ZMAT4: variants seen among roughly 807,000 people sequenced by gnomAD.
ZMAT4 encodes zinc finger matrin-type 4.
A neutral mutation model predicts 28.7 loss-of-function variants in ZMAT4; 17 were observed. That is an observed-to-expected ratio of 0.59 (90% confidence interval 0.41 to 0.89). The LOEUF (loss-of-function observed/expected upper bound fraction) is 0.89. Ranked by LOEUF, ZMAT4 falls within the 40% of genes least tolerant of loss-of-function variation. ZMAT4 has a pLI of 0.00. For synonymous variants in ZMAT4, 117 were observed against 109.2 expected (o/e 1.07, Z -0.44); for missense variants, 240 against 283.8 (o/e 0.85, Z 1.11).
At chr8:40,677,069 T>C (rs564245203) in intron 4 of ZMAT4, among the ~76,000 whole-genome samples, 1 of 152,290 alleles carries the variant, frequency 6.6e-6, no homozygotes, top group African/African-American at 2.4e-5. Flanking sequence ...TATGAATAAA[T>C]GTTGACTCTT....
intron 5 of ZMAT4, among the ~76,000 whole-genome samples, chr8:40,665,738 G>C (rs1042823175): frequency 3.3e-5 from 5 of 152,126 alleles, no homozygotes; most frequent in Non-Finnish European, 7.4e-5. Context: ...AGGATTCTGG[G>C]TGGTCAATGA....
At chr8:40,893,549 G>A (rs1398398562) in intron 1 of ZMAT4, among the ~76,000 whole-genome samples, 1 of 152,196 alleles carries the variant, frequency 6.6e-6, no homozygotes, top group Non-Finnish European at 1.5e-5. Context: ...ACCAGCCAGA[G>A]CTAAAAAGCG....
chr8:40,703,230 T>C (rs1810219686), intron 3 of ZMAT4, among the ~76,000 whole-genome samples: 1 of 152,160 alleles, frequency 6.6e-6, no homozygotes, highest in Non-Finnish European at 1.5e-5. Context: ...ATGTATTTCA[T>C]TCAAGAGAAA....
At chr8:40,889,378 C>T (rs910545746) in intron 1 of ZMAT4, among the ~76,000 whole-genome samples, 4 of 152,194 alleles carry the variant, frequency 2.6e-5, no homozygotes, top group African/African-American at 4.8e-5. Context: ...AGCATCGCAC[C>T]CAGCTTTGCT....
chr8:40,864,934 T>A (rs1817624147), intron 1 of ZMAT4, among the ~76,000 whole-genome samples: 1 of 152,204 alleles, frequency 6.6e-6, no homozygotes, highest in Non-Finnish European at 1.5e-5. Flanking sequence ...AAGCTTTTAT[T>A]GAAATGCTTA....
At chr8:40,892,681 T>C (rs1474297147) in intron 1 of ZMAT4, among the ~76,000 whole-genome samples, 2 of 152,220 alleles carry the variant, frequency 1.3e-5, no homozygotes, top group Non-Finnish European at 2.9e-5. Context: ...CAGCTCGCTG[T>C]GTGACAACGC....
intron 2 of ZMAT4, among the ~76,000 whole-genome samples, chr8:40,785,248 A>AGG (rs1814019003): frequency 1.3e-5 from 2 of 152,326 alleles, no homozygotes; most frequent in South Asian, 2.1e-4. Flanking sequence ...TTCATCCTAT[A>AGG]CTGACCTCTC....
intron 5 of ZMAT4, among the ~76,000 whole-genome samples, chr8:40,633,935 CA>C (rs1806693767): frequency 6.6e-6 from 1 of 152,166 alleles, no homozygotes; most frequent in Non-Finnish European, 1.5e-5. Context: ...CTCCAAATGC[CA>C]CCAGGAAATA....
At chr8:40,567,036 T>G (rs1427902590) in intron 6 of ZMAT4, among the ~76,000 whole-genome samples, 2 of 152,124 alleles carry the variant, frequency 1.3e-5, no homozygotes, top group South Asian at 2.1e-4. Flanking sequence ...AAGAGTAAAG[T>G]GCACATGTTA....
intron 1 of ZMAT4, among the ~76,000 whole-genome samples, chr8:40,842,867 C>T (rs528547491): frequency 4.6e-5 from 7 of 152,302 alleles, no homozygotes; most frequent in Admixed American, 2.6e-4. Context: ...TCTCCGCCCC[C>T]GAGGTTCAAG....
chr8:40,746,375 CT>C (rs71224851), intron 3 of ZMAT4, among the ~76,000 whole-genome samples: 12,555 of 126,648 alleles, frequency 0.099, 731 homozygotes, highest in Middle Eastern at 0.17. Flanking sequence ...CTTTCTTTCT[CT>C]TTTTTTTTTG....
At chr8:40,808,678 A>C (rs947744780) in intron 2 of ZMAT4, 2 of 347,248 alleles carry the variant, frequency 5.8e-6, no homozygotes, top group African/African-American at 4.4e-5. Context: ...GGTAACAAGA[A>C]AGAGAGGGAA....
chr8:40,683,744 T>C lies in ZMAT4; in HGVS notation c.350-8813A>G, dbSNP rs184837535. Reference sequence around the variant, plus strand: ...GTTATTTAAGAAGGAAACAAAAATGTTATGAATTTTTTTTCAATTTATGGG... The same window carrying C: ...GTTATTTAAGAAGGAAACAAAAATGCTATGAATTTTTTTTCAATTTATGGG... On this transcript the variant is annotated intron_variant, in intron 4 of 6. Transcript: ENST00000297737. Among the ~76,000 whole-genome samples, 14 of 152,224 alleles carry C rather than the reference T, an allele frequency of 9.2e-5. No homozygotes were observed. The East Asian group carries it at 2.7e-3, about 29-fold the overall frequency.
At chr8:40,866,808 C>T (rs1363757122) in intron 1 of ZMAT4, among the ~76,000 whole-genome samples, 2 of 152,198 alleles carry the variant, frequency 1.3e-5, no homozygotes, top group African/African-American at 2.4e-5. Flanking sequence ...TATAAACATG[C>T]ATACACACAC....
At chr8:40,838,592 C>G (rs779388209) in intron 1 of ZMAT4, among the ~76,000 whole-genome samples, 1 of 152,134 alleles carries the variant, frequency 6.6e-6, no homozygotes, top group Non-Finnish European at 1.5e-5. Flanking sequence ...TCACTCTCCT[C>G]GTCAGCTCTG....
chr8:40,594,894 C>G (rs143330791), intron 5 of ZMAT4, among the ~76,000 whole-genome samples: 7 of 152,260 alleles, frequency 4.6e-5, no homozygotes, highest in Non-Finnish European at 1.0e-4. Flanking sequence ...GGAAAATTAT[C>G]TCGAGTCTTC....
chr8:40,730,820 T>C (rs1811505141), intron 3 of ZMAT4, among the ~76,000 whole-genome samples: 1 of 152,188 alleles, frequency 6.6e-6, no homozygotes, highest in African/African-American at 2.4e-5. Flanking sequence ...CAGTCACACT[T>C]ATGGACTCTA....
At chr8:40,809,013 T>A (rs537286403) in intron 2 of ZMAT4, among the ~76,000 whole-genome samples, 10 of 152,246 alleles carry the variant, frequency 6.6e-5, no homozygotes, top group African/African-American at 1.9e-4. Context: ...CATACACTAG[T>A]ATGTTCACTG....
chr8:40,617,431 T>G (rs1224141579), intron 5 of ZMAT4, among the ~76,000 whole-genome samples: 1 of 152,218 alleles, frequency 6.6e-6, no homozygotes, highest in African/African-American at 2.4e-5. Flanking sequence ...TCCAACAGTT[T>G]CACCTAAACG....
Sources: gnomAD v4.1 joint callset for allele counts (sites outside exome capture counted in the v4.1 genomes callset) on GRCh38, gnomAD v4.1.1 for gene constraint, MANE v1.5 for transcripts, NCBI Gene and HGNC (gene_info 2026-07-23, HGNC 2026-07-21) for gene names.